Variants in ABHD12 observed in about 807,000 individuals in gnomAD.
ABHD12 encodes abhydrolase domain containing 12, lysophospholipase.
A neutral mutation model predicts 58.3 loss-of-function variants in ABHD12; 43 were observed. The ratio of observed to expected loss-of-function variants is 0.74; its 90% confidence interval spans 0.58 to 0.95. The LOEUF (loss-of-function observed/expected upper bound fraction) is 0.95. Among genes scored for constraint, ABHD12 ranks in the 40% least tolerant of loss-of-function variants. The pLI is 0.00. For synonymous variants in ABHD12, 219 were observed against 211.2 expected, an observed-to-expected ratio of 1.04 and a Z score of -0.32; for missense variants, 539 against 537.2, an observed-to-expected ratio of 1.00 and a Z score of -0.03.
Position 25,300,503 on chromosome 20 carries a change from A to G in ABHD12, c.*342T>C. ...GCTCAGCATGGTCCCGAGCCCCAAGAGTCCCCTGCCCGGACTCCCCCTGTC... is the reference window on the plus strand; with the variant it reads ...GCTCAGCATGGTCCCGAGCCCCAAGGGTCCCCTGCCCGGACTCCCCCTGTC... On this transcript the variant is annotated 3_prime_UTR_variant, in exon 13 of 13. Transcript: ENST00000339157. 1 of 1,298,476 alleles carries G rather than the reference A, an allele frequency of 7.7e-7. No homozygotes were observed. The highest frequency in any genetic ancestry group is 1.6e-5 in the South Asian group (1 of 61,566). 80.4% of individuals were successfully genotyped at this position (1,298,476 alleles called of 1,614,324 possible).
At chr20:25,308,433 G>C (rs2088787020) in intron 8 of ABHD12, 24 bp downstream of exon 8, 3 of 1,609,230 alleles carry the variant, frequency 1.9e-6, no homozygotes, top group Non-Finnish European at 2.5e-6. Flanking sequence ...CACTGCCACG[G>C]CTGGGGCCCA....
exon 13 of ABHD12, chr20:25,294,884 A>C: frequency 6.8e-7 from 1 of 1,464,568 alleles, no homozygotes; most frequent in Non-Finnish European, 9.6e-7. Flanking sequence ...AGGGCTGGGA[A>C]TTCACCTGCC....
intron 2 of ABHD12, among the ~76,000 whole-genome samples, chr20:25,338,139 A>G (rs1328035212): frequency 1.3e-5 from 2 of 152,090 alleles, no homozygotes; most frequent in East Asian, 3.8e-4. Context: ...CTGAACACCC[A>G]AACTCATAAG....
At chr20:25,308,094 T>C (rs775544395) in intron 8 of ABHD12, 49 bp from the exon 9 acceptor site, 2 of 1,303,430 alleles carry the variant, frequency 1.5e-6, no homozygotes, top group Non-Finnish European at 2.2e-6. Flanking sequence ...GCCAGCGACA[T>C]ACATGTGGCC....
chr20:25,364,693 C>T (rs189249993), intron 1 of ABHD12, among the ~76,000 whole-genome samples: 26 of 152,316 alleles, frequency 1.7e-4, no homozygotes, highest in Non-Finnish European at 3.1e-4. Flanking sequence ...CCAAAACATA[C>T]GTCACTAAAT....
intron 1 of ABHD12, among the ~76,000 whole-genome samples, chr20:25,366,023 T>C (rs2089815890): frequency 6.6e-6 from 1 of 152,186 alleles, no homozygotes; most frequent in Non-Finnish European, 1.5e-5. Flanking sequence ...CTGGCTGACA[T>C]AGTAAGACCC....
chr20:25,296,549 G>C (rs202098395), downstream of ABHD12: 3 of 1,590,940 alleles, frequency 1.9e-6, no homozygotes, highest in Non-Finnish European at 2.6e-6. Flanking sequence ...CGGGACCAGC[G>C]GGCATTTGTT....
Position 25,303,881 on chromosome 20 carries a change from T to G in ABHD12, c.951-253A>C, listed in dbSNP as rs2387736. 0.079 allele frequency among the ~76,000 whole-genome samples: 12,012 copies of G among 152,344 alleles called. 699 individuals carry two copies. Among genetic ancestry groups the G allele is most frequent in the South Asian group, 0.18 (883 of 4,832 alleles). ...ATGTCTTCTGAAAATTGAAAATGATTATTTTTCCACCAGATATATATATTT... is the reference window on the plus strand; with the variant it reads ...ATGTCTTCTGAAAATTGAAAATGATGATTTTTCCACCAGATATATATATTT... On this transcript the variant is annotated intron_variant, in intron 10 of 12. Transcript: ENST00000339157.
rs772184384 is a variant in ABHD12 at position 25,308,478 on chromosome 20, C to T, written c.766G>A (p.Val256Met). The T allele has an allele frequency of 1.9e-6, 3 of 1,611,888 alleles. No individual in the cohort carries two copies. Among genetic ancestry groups the T allele is most frequent in the Non-Finnish European group, 2.5e-6 (3 of 1,179,084 alleles). Residue 256 changes from valine (V) to methionine (M), a missense_variant, in exon 8 of 13, where the codon GTG (valine) becomes ATG (methionine). Physicochemically the swap from Val to Met is conservative, Grantham distance 21. Coordinates refer to ENST00000339157, the MANE Select transcript of ABHD12 (RefSeq NM_001042472.3). ...TCACCTCGCTCACAGAGGCGCCGCA[C>T]CAGATTTGTCGCCACGCTAGGAAAA... The part of the protein sequence containing the change: ...SLGTGVATNL[V>M]RRLCERETPP...
chr20:25,311,193 T>C (rs1217301954), intron 6 of ABHD12, among the ~76,000 whole-genome samples: 1 of 151,878 alleles, frequency 6.6e-6, no homozygotes, highest in Non-Finnish European at 1.5e-5. Flanking sequence ...GAATGAAAGG[T>C]ATGGAAGGAA....
At chr20:25,300,130 A>C, downstream of ABHD12, 1 of 927,498 alleles carries the variant, frequency 1.1e-6, no homozygotes, top group Non-Finnish European at 1.3e-6. Context: ...AGTGGCTCCA[A>C]AGCGGCTAGA....
downstream of ABHD12, chr20:25,297,713 C>G (rs1174128548): frequency 6.6e-6 from 1 of 152,318 alleles, no homozygotes; most frequent in Non-Finnish European, 1.5e-5. Flanking sequence ...AAATCTAGCA[C>G]CTTGCATGCT....
At chr20:25,317,317 C>T (rs953648529) in intron 4 of ABHD12, among the ~76,000 whole-genome samples, 1 of 152,176 alleles carries the variant, frequency 6.6e-6, no homozygotes, top group Non-Finnish European at 1.5e-5. Context: ...AGGTAATGCA[C>T]ACCTACAGCC....
intron 1 of ABHD12, among the ~76,000 whole-genome samples, chr20:25,358,291 TA>T (rs1486451630): frequency 6.6e-6 from 1 of 152,134 alleles, no homozygotes; most frequent in Non-Finnish European, 1.5e-5. Flanking sequence ...GGAAGCTAAT[TA>T]AATAAACGAT....
chr20:25,297,065 C>T (rs934863507), downstream of ABHD12: 6 of 160,688 alleles, frequency 3.7e-5, no homozygotes, highest in African/African-American at 1.2e-4. Context: ...CCTTCACAGC[C>T]CCCTGCCCCC....
intron 10 of ABHD12, 112 bp from the exon 11 acceptor site, chr20:25,303,740 T>C: frequency 5.5e-6 from 8 of 1,448,190 alleles, no homozygotes; most frequent in Non-Finnish European, 7.6e-6. Flanking sequence ...AACAGCCTGA[T>C]TTCTGCTGGA....
chr20:25,319,431 G>C (rs1381979182), intron 4 of ABHD12, among the ~76,000 whole-genome samples: 1 of 152,196 alleles, frequency 6.6e-6, no homozygotes, highest in Non-Finnish European at 1.5e-5. Context: ...AGCTCACACT[G>C]TAGGGTGGCC....
intron 11 of ABHD12, among the ~76,000 whole-genome samples, chr20:25,302,586 C>A (rs2088657834): frequency 6.6e-6 from 1 of 152,202 alleles, no homozygotes; most frequent in African/African-American, 2.4e-5. Flanking sequence ...TATAGACTAC[C>A]CTTCCTCTGG....
intron 1 of ABHD12, among the ~76,000 whole-genome samples, chr20:25,353,824 C>CA (rs2089633656): frequency 6.6e-6 from 1 of 152,220 alleles, no homozygotes; most frequent in South Asian, 2.1e-4. Flanking sequence ...CCTGGCCTTT[C>CA]CTTCTGTCCT....
Sources: gnomAD v4.1 joint callset for allele counts (sites outside exome capture counted in the v4.1 genomes callset) on GRCh38, gnomAD v4.1.1 for gene constraint, MANE v1.5 for transcripts, NCBI Gene and HGNC (gene_info 2026-07-23, HGNC 2026-07-21) for gene names.